Variants in SIM2 observed in about 807,000 individuals in gnomAD.
The protein encoded by SIM2 is SIM bHLH transcription factor 2.
SIM2 carries 28 observed loss-of-function variants against 64.8 expected under a neutral mutation model. The observed-to-expected ratio is 0.43, with a 90% confidence interval of 0.32 to 0.59. The LOEUF (loss-of-function observed/expected upper bound fraction) is 0.59. Ranked by LOEUF, SIM2 falls within the 20% of genes least tolerant of loss-of-function variation. The probability of loss-of-function intolerance (pLI) is 0.07; values close to 1 mark genes in which losing one functional copy is unlikely to be tolerated. For synonymous variants in SIM2, 408 were observed against 391.1 expected, an observed-to-expected ratio of 1.04 and a Z score of -0.51; for missense variants, 847 against 871.4, an observed-to-expected ratio of 0.97 and a Z score of 0.35.
chr21:36,735,730 A>AC (rs1417487734), intron 7 of SIM2, among the ~76,000 whole-genome samples: 1 of 152,198 alleles, frequency 6.6e-6, no homozygotes, highest in Admixed American at 6.5e-5. Flanking sequence ...TCAGCCCTCA[A>AC]CTAGGTCATT....
chr21:36,702,039 T>A (rs1368888427), intron 1 of SIM2, among the ~76,000 whole-genome samples: 1 of 152,186 alleles, frequency 6.6e-6, no homozygotes, highest in Non-Finnish European at 1.5e-5. Flanking sequence ...AGCTGTTCGC[T>A]GTTTGAGGGA....
In SIM2 at chr21:36,745,586, T is replaced by C. The variant is rs1601063295; in HGVS notation, c.1576+450T>C. The C allele has an allele frequency of 4.5e-6, 5 of 1,118,816 alleles. No individual in the cohort carries two copies. The highest frequency in any genetic ancestry group is 1.6e-5 in the African/African-American group (1 of 61,718). The allele number at this position is 1,118,816 out of a possible 1,614,324, so 69.3% of individuals were successfully genotyped here. On this transcript the variant is annotated intron_variant, in intron 10 of 10. Transcript: ENST00000290399. This position sits in a 1 kb window ranked among gnomAD's most constrained non-coding sequence, Gnocchi z 4.8. Reference sequence around the variant, plus strand: ...CCAGTTTTGGAAGTGGGGAAAACTATGGTGGAAATTTGTGGGCTTGGGGAC... The same window carrying C: ...CCAGTTTTGGAAGTGGGGAAAACTACGGTGGAAATTTGTGGGCTTGGGGAC...
intron 4 of SIM2, chr21:36,720,165 G>A: frequency 1.9e-6 from 1 of 515,746 alleles, no homozygotes; most frequent in Non-Finnish European, 3.5e-6. Context: ...CGTGTTGAGT[G>A]CTAGGTAGAG....
intron 8 of SIM2, among the ~76,000 whole-genome samples, chr21:36,743,041 C>T (rs2089183559): frequency 6.6e-6 from 1 of 152,152 alleles, no homozygotes; most frequent in Admixed American, 6.5e-5. Context: ...CACAGGTGTG[C>T]ATGTTGGATG....
At chr21:36,714,512 G>A (rs914332826) in intron 3 of SIM2, among the ~76,000 whole-genome samples, 4 of 152,282 alleles carry the variant, frequency 2.6e-5, no homozygotes, top group Admixed American at 1.3e-4. Context: ...TAAGGATCGT[G>A]GTGAGAAAGG....
At chr21:36,719,594 C>T (rs2088794869) in intron 3 of SIM2, among the ~76,000 whole-genome samples, 1 of 152,250 alleles carries the variant, frequency 6.6e-6, no homozygotes, top group Admixed American at 6.5e-5. Context: ...TGGCTGCAAG[C>T]TCAAGCCTCA....
chr21:36,736,839 CTCTTTCTTTTCTTTCTT>C (rs2089061515), intron 7 of SIM2, among the ~76,000 whole-genome samples: 1 of 95,726 alleles, frequency 1.0e-5, no homozygotes, highest in Admixed American at 1.1e-4. Context: ...TTCTTTCTTT[CTCTTTCTTTTCTTTCTT>C]TCTTTTTCTT....
intron 1 of SIM2, among the ~76,000 whole-genome samples, chr21:36,705,671 C>A (rs770551890): frequency 1.3e-5 from 2 of 152,158 alleles, no homozygotes; most frequent in Non-Finnish European, 2.9e-5. Context: ...GAGGGGGAGT[C>A]GGGAGGAGGT....
At position 36,706,597 on chromosome 21, in the gene SIM2, A is replaced by G. The variant is rs540634709; in HGVS notation, c.176-2571A>G. On this transcript the variant is annotated intron_variant, in intron 1 of 10. Coordinates refer to ENST00000290399, the MANE Select transcript of SIM2 (RefSeq NM_005069.6). ...GTGGGAGTGTATATCACTTTACAGT[A>G]TCAAGACAATTTTCTTTCGTTACAA... Among the ~76,000 whole-genome samples the G allele has an allele frequency of 2.0e-5, 3 of 152,366 alleles. No individual in the cohort carries two copies. The East Asian group carries it at 5.8e-4, about 29-fold the overall frequency.
intron 7 of SIM2, among the ~76,000 whole-genome samples, chr21:36,731,612 G>A (rs531090781): frequency 5.3e-5 from 8 of 152,234 alleles, no homozygotes; most frequent in African/African-American, 1.7e-4. Flanking sequence ...AGGTTAAGCC[G>A]CTTGCCCACC....
intron 1 of SIM2, among the ~76,000 whole-genome samples, chr21:36,701,911 C>G (rs555491687): frequency 1.3e-5 from 2 of 152,356 alleles, no homozygotes; most frequent in South Asian, 4.1e-4. Context: ...CTTCTGCCCC[C>G]TTTGGAAATA....
intron 1 of SIM2, among the ~76,000 whole-genome samples, chr21:36,705,208 C>T (rs1240930605): frequency 1.3e-5 from 2 of 152,220 alleles, no homozygotes; most frequent in African/African-American, 4.8e-5. Context: ...GTAGAGGCTG[C>T]CCGCGCAGAA....
chr21:36,736,926 T>C (rs550415486), intron 7 of SIM2, among the ~76,000 whole-genome samples: 1 of 152,062 alleles, frequency 6.6e-6, no homozygotes, highest in South Asian at 2.1e-4. Flanking sequence ...TCTCTCTCTT[T>C]CTTCATTTTT....
At chr21:36,700,815 C>T (rs1233755153) in intron 1 of SIM2, among the ~76,000 whole-genome samples, 6 of 152,248 alleles carry the variant, frequency 3.9e-5, no homozygotes, top group Non-Finnish European at 8.8e-5. Flanking sequence ...AAATGGCAGA[C>T]AGAGCTGAGC....
In SIM2 at chr21:36,729,853, C is replaced by T. The variant is rs370189484; in HGVS notation, c.744-1192C>T. ...ACCTACGGCCAGAGCGATCCTGATG[C>T]GGGTGATGATGTGGTCTTGGGTACT... On this transcript the variant is annotated intron_variant, in intron 6 of 10. Coordinates refer to ENST00000290399, the MANE Select transcript of SIM2 (RefSeq NM_005069.6). 1.2e-4 allele frequency among the ~76,000 whole-genome samples: 18 copies of T among 152,284 alleles called. No homozygotes were observed. In the East Asian group the frequency reaches 2.3e-3, roughly 20 times the overall value.
chr21:36,714,362 A>C (rs1021511222), intron 3 of SIM2, among the ~76,000 whole-genome samples: 1 of 152,248 alleles, frequency 6.6e-6, no homozygotes, highest in East Asian at 1.9e-4. Context: ...TATTAAATTT[A>C]GATCTGAGCT....
chr21:36,717,450 C>CTTTTTTTTTTTTTT (rs528248816), intron 3 of SIM2, among the ~76,000 whole-genome samples: 2 of 134,792 alleles, frequency 1.5e-5, no homozygotes, highest in Admixed American at 7.6e-5. Flanking sequence ...TCTTTCTTTT[C>CTTTTTTTTTTTTTT]TTTTTTTTTT....
chr21:36,726,053 C>A lies in SIM2; in HGVS notation c.544-66C>A. The stretch of plus-strand genomic sequence containing the variant: ...ATTCTAGCATGTTTGAGAAAATGAG[C>A]CAGGAGGAGTGGGCTCCAGCCCAAC... On this transcript the variant is annotated intron_variant, in intron 5 of 10. Coordinates refer to ENST00000290399, the MANE Select transcript of SIM2 (RefSeq NM_005069.6). The surrounding 1 kb of genome is among the most constrained non-coding windows in gnomAD (Gnocchi z 4.5). 1 of 1,325,548 alleles carries A rather than the reference C, an allele frequency of 7.5e-7. No homozygotes were observed. Among genetic ancestry groups the A allele is most frequent in the Non-Finnish European group, 1.1e-6 (1 of 929,798 alleles). The allele number at this position is 1,325,548 out of a possible 1,614,324, so 82.1% of individuals were successfully genotyped here. A position where few individuals can be genotyped will look rare whatever the true frequency, so the allele number is the denominator to read the frequency against.
In SIM2 at chr21:36,709,162, G is replaced by T; in HGVS notation, c.176-6G>T. 6.2e-7 allele frequency: 1 copy of T among 1,606,480 alleles called. No individual in the cohort carries two copies. Among genetic ancestry groups the T allele is most frequent in the South Asian group, 1.1e-5 (1 of 89,634 alleles). ...GTTTACCGATTTGCTTTCGTCCCTC[G>T]TCCAGGTTTAGGAGACGCGTGGGGA... On this transcript the variant is annotated splice_polypyrimidine_tract_variant and splice_region_variant and intron_variant, in intron 1 of 10. Transcript: ENST00000290399.
Sources: gnomAD v4.1 joint callset for allele counts (sites outside exome capture counted in the v4.1 genomes callset) on GRCh38, gnomAD v4.1.1 for gene constraint, Gnocchi (gnomAD v3.1) non-coding constraint, MANE v1.5 for transcripts, NCBI Gene and HGNC (gene_info 2026-07-23, HGNC 2026-07-21) for gene names.